The following PPP2R5C variants were observed in gnomAD, a reference collection of about 807,000 sequenced individuals.
The protein encoded by PPP2R5C is serine/threonine-protein phosphatase 2A 56 kDa regulatory subunit gamma isoform.
A neutral mutation model predicts 68.9 loss-of-function variants in PPP2R5C; 7 were observed. The ratio of observed to expected loss-of-function variants is 0.10; its 90% CI spans 0.06 to 0.19. PPP2R5C has a LOEUF of 0.19. Among genes scored for constraint, PPP2R5C ranks in the 10% least tolerant of loss-of-function variants. The probability of loss-of-function intolerance (pLI) is 1.00; values close to 1 mark genes in which losing one functional copy is unlikely to be tolerated. For synonymous variants in PPP2R5C, 210 were observed against 222.2 expected (o/e 0.95, Z 0.49); for missense variants, 348 against 641.3 (o/e 0.54, Z 4.94).
rs1400853728 is a variant in PPP2R5C, at chr14:101,797,333, G to A, written c.259+11150G>A. The A allele has an allele frequency of 4.4e-6, 2 of 455,778 alleles. No individual in the cohort carries two copies. Among genetic ancestry groups the A allele is most frequent in the African/African-American group, 4.0e-5 (2 of 50,068 alleles). The allele number at this position is 455,778 out of a possible 1,614,324, so 28.2% of individuals were successfully genotyped here. A position where few individuals can be genotyped will look rare whatever the true frequency, so the allele number is the denominator to read the frequency against. ...CAATCAGTGGATGGACGCGTGGGTT[G>A]CAGAGCACGCCACACACATTCAGTC... On this transcript the variant is annotated intron_variant, in intron 3 of 14. Coordinates refer to the PPP2R5C transcript ENST00000328724. This position sits in a 1 kb window ranked among gnomAD's most constrained non-coding sequence, Gnocchi z 4.2.
intron 1 of PPP2R5C, among the ~76,000 whole-genome samples, chr14:101,823,488 TAGATACCCAA>T (rs2040211707): frequency 6.6e-6 from 1 of 152,184 alleles, no homozygotes; most frequent in Non-Finnish European, 1.5e-5. Flanking sequence ...CACAGCATGA[TAGATACCCAA>T]ATGAGAATAG....
At chr14:101,848,358 C>A (rs1034417186) in intron 1 of PPP2R5C, among the ~76,000 whole-genome samples, 1 of 151,874 alleles carries the variant, frequency 6.6e-6, no homozygotes, top group East Asian at 1.9e-4. Context: ...TGGTGAAACC[C>A]CATCTCTACT....
intron 1 of PPP2R5C, among the ~76,000 whole-genome samples, chr14:101,826,631 T>G (rs1377914143): frequency 6.6e-6 from 1 of 152,196 alleles, no homozygotes; most frequent in East Asian, 1.9e-4. Context: ...TTTGGTATAT[T>G]GGGTCCATTT....
chr14:101,768,465 A>G (rs1394170065), intron 2 of PPP2R5C, among the ~76,000 whole-genome samples: 1 of 152,232 alleles, frequency 6.6e-6, no homozygotes. Context: ...ATCTAATAAT[A>G]ACAGTAACAC....
chr14:101,761,677 A>T (rs1363132682), upstream of PPP2R5C: 1 of 192,922 alleles, frequency 5.2e-6, no homozygotes, highest in Non-Finnish European at 8.3e-6. Context: ...GGGCGGAGAG[A>T]CGCCGCCGCT....
chr14:101,808,201 A>G (rs1001351150), upstream of PPP2R5C, among the ~76,000 whole-genome samples: 6 of 151,692 alleles, frequency 4.0e-5, no homozygotes, highest in African/African-American at 1.5e-4. Flanking sequence ...GACAACCCAC[A>G]GGTCAGCAGT....
chr14:101,823,571 A>G (rs2040216949), intron 1 of PPP2R5C: 1 of 183,280 alleles, frequency 5.5e-6, no homozygotes, highest in Admixed American at 6.3e-5. Context: ...GCTCCTCGCA[A>G]AAGGGTTCAT....
chr14:101,823,394 C>G (rs1480719730), intron 1 of PPP2R5C, among the ~76,000 whole-genome samples: 2 of 152,158 alleles, frequency 1.3e-5, no homozygotes, highest in Non-Finnish European at 2.9e-5. Flanking sequence ...TTCATCTCTT[C>G]TAGGGTTTTT....
At chr14:101,861,962 G>T (rs1270702579) in intron 2 of PPP2R5C, among the ~76,000 whole-genome samples, 1 of 152,192 alleles carries the variant, frequency 6.6e-6, no homozygotes, top group Non-Finnish European at 1.5e-5. Flanking sequence ...TGCCCAGGCG[G>T]AGTGCAGTGG....
At chr14:101,868,940 C>T (rs768598622) in intron 2 of PPP2R5C, among the ~76,000 whole-genome samples, 1 of 151,690 alleles carries the variant, frequency 6.6e-6, no homozygotes, top group Admixed American at 6.6e-5. Context: ...GTTTTTGAGA[C>T]GGAGTCTCTG....
chr14:101,827,014 C>T (rs902437450), intron 1 of PPP2R5C, among the ~76,000 whole-genome samples: 1 of 118,200 alleles, frequency 8.5e-6, no homozygotes, highest in Non-Finnish European at 1.6e-5. Context: ...CTTGCTCTGT[C>T]GCCCAGGCTG....
At chr14:101,784,457 G>T (rs1397149591) in intron 2 of PPP2R5C, among the ~76,000 whole-genome samples, 2 of 151,742 alleles carry the variant, frequency 1.3e-5, no homozygotes, top group Non-Finnish European at 2.9e-5. Context: ...CATGGCAGAA[G>T]GTGAAGGGGA....
rs549397034 is a variant in PPP2R5C at position 101,906,879 on chromosome 14, C to T, written c.1151+350C>T. Among the ~76,000 whole-genome samples the T allele has an allele frequency of 5.3e-5, 8 of 152,242 alleles. No homozygotes were observed. Among genetic ancestry groups the T allele is most frequent in the East Asian group, 1.9e-4 (1 of 5,154 alleles). ...GGGGGCACAGTGGCCACTGCATTCT[C>T]GGGGTGTCTATTGAGCTCTGCTGAC... On this transcript the variant is annotated intron_variant, in intron 10 of 13. Coordinates refer to ENST00000334743, the Ensembl canonical transcript of PPP2R5C. This position sits in a 1 kb window ranked among gnomAD's most constrained non-coding sequence, Gnocchi z 4.0.
rs528873664 is a variant in PPP2R5C at position 101,913,852 on chromosome 14, C to G, written c.1326+1379C>G. On this transcript the variant is annotated intron_variant, in intron 12 of 13. Transcript: ENST00000334743. The surrounding 1 kb of genome is among the most constrained non-coding windows in gnomAD (Gnocchi z 4.1). ...TACACATGCAGTTGAAATCAGTAGC[C>G]TCGAAAACATGTGAGAAATGAATAC... Among the ~76,000 whole-genome samples the G allele has an allele frequency of 6.6e-6, 1 of 152,162 alleles. No individual in the cohort carries two copies. Among genetic ancestry groups the G allele is most frequent in the South Asian group, 2.1e-4 (1 of 4,818 alleles).
intron 8 of PPP2R5C, among the ~76,000 whole-genome samples, chr14:101,895,603 G>A (rs8010078): frequency 0.018 from 2,712 of 152,232 alleles, 49 homozygotes; most frequent in African/African-American, 0.04. Flanking sequence ...TTCACTCAGC[G>A]TAATGTCTTC....
At chr14:101,809,701 A>G, upstream of PPP2R5C, 1 of 730,902 alleles carries the variant, frequency 1.4e-6, no homozygotes, top group East Asian at 4.2e-5. Context: ...AAAGCCGGAA[A>G]ATATCCCAGC....
In PPP2R5C at chr14:101,885,552, T is replaced by C. The variant is rs182481316; in HGVS notation, c.629+1990T>C. Among the ~76,000 whole-genome samples the C allele has an allele frequency of 1.7e-3, 252 of 152,214 alleles. 2 individuals are homozygous for C. Among genetic ancestry groups the C allele is most frequent in the African/African-American group, 5.5e-3 (230 of 41,460 alleles). On this transcript the variant is annotated intron_variant, in intron 5 of 13. Coordinates refer to ENST00000334743, the Ensembl canonical transcript of PPP2R5C. ...ACCCTGCCTTTCCCCTCTGCAGTCA[T>C]AAGGGTTGCATTCCCTCCTGACCTG...
intron 2 of PPP2R5C, among the ~76,000 whole-genome samples, chr14:101,770,106 C>T (rs776394192): frequency 2.0e-5 from 3 of 152,134 alleles, no homozygotes; most frequent in Non-Finnish European, 2.9e-5. Context: ...ATCTAAGGCA[C>T]CACCATCATT....
chr14:101,792,645 T>C (rs552005225), intron 3 of PPP2R5C, among the ~76,000 whole-genome samples: 3 of 152,352 alleles, frequency 2.0e-5, no homozygotes, highest in African/African-American at 7.2e-5. Flanking sequence ...TGGACTAATA[T>C]ATTGTTGATT....
Sources: allele counts gnomAD v4.1 joint callset (sites outside exome capture counted in the v4.1 genomes callset), GRCh38; gene constraint gnomAD v4.1.1; non-coding constraint Gnocchi (gnomAD v3.1); transcripts MANE v1.5; gene names NCBI Gene and HGNC (gene_info 2026-07-23, HGNC 2026-07-21).